The following ABCD3 variants were observed in gnomAD, a reference collection of about 807,000 sequenced individuals.
ABCD3 encodes ATP-binding cassette sub-family D member 3.
ABCD3 carries 41 observed loss-of-function variants against 105.5 expected under a neutral mutation model. That is an observed-to-expected ratio of 0.39 (90% CI 0.30 to 0.50). ABCD3 has a LOEUF of 0.50. ABCD3 is among the 20% of genes least tolerant of loss of function. The pLI, the probability that ABCD3 is intolerant of heterozygous loss-of-function variation, is 0.84. For synonymous variants in ABCD3, 258 were observed against 269.0 expected, an observed-to-expected ratio of 0.96 and a Z score of 0.40; for missense variants, 622 against 806.3, an observed-to-expected ratio of 0.77 and a Z score of 2.77.
At chr1:94,503,385 A>G (rs1283379080) in intron 20 of ABCD3, among the ~76,000 whole-genome samples, 1 of 152,090 alleles carries the variant, frequency 6.6e-6, no homozygotes, top group African/African-American at 2.4e-5. Flanking sequence ...TGACCTCCCT[A>G]CTTCCGCTGT....
chr1:94,418,270 G>A (rs1051976591), upstream of ABCD3, among the ~76,000 whole-genome samples: 2 of 152,180 alleles, frequency 1.3e-5, no homozygotes, highest in African/African-American at 4.8e-5. Context: ...TCCGCCCACG[G>A]AGGCTGCCGA....
chr1:94,452,194 A>T (rs1374778219), intron 1 of ABCD3, among the ~76,000 whole-genome samples: 1 of 152,234 alleles, frequency 6.6e-6, no homozygotes, highest in Non-Finnish European at 1.5e-5. Context: ...AACAAGGACC[A>T]TTCTGGGCAA....
Position 94,487,810 on chromosome 1 carries a change from A to G in ABCD3, c.1065+19A>G, listed in dbSNP as rs750812709. ...TCTAGAGGTAAACTGATGATAATAC[A>G]ATGAAAATGTAACAGTAAAAATAAA... is the stretch of plus-strand genomic sequence containing the variant. On this transcript the variant is annotated intron_variant, in intron 12 of 22. Coordinates refer to ENST00000370214, the MANE Select transcript of ABCD3 (RefSeq NM_002858.4). The G allele has an allele frequency of 1.9e-6, 3 of 1,612,572 alleles. No individual in the cohort carries two copies. The highest frequency in any genetic ancestry group is 3.3e-5 in the Admixed American group (2 of 59,998).
the ABCD3 span, among the ~76,000 whole-genome samples, chr1:94,405,759 T>C: frequency 6.6e-6 from 1 of 152,222 alleles, no homozygotes; most frequent in Non-Finnish European, 1.5e-5. Flanking sequence ...TCTTGTCATT[T>C]GCCTATTTTT....
chr1:94,513,933 A>C (rs960882788), intron 21 of ABCD3: 1 of 152,080 alleles, frequency 6.6e-6, no homozygotes, highest in East Asian at 1.9e-4. Context: ...ACCTTTTTAC[A>C]GTGCAGCCAA....
intron 2 of ABCD3, among the ~76,000 whole-genome samples, chr1:94,463,539 C>T (rs1175646847): frequency 6.6e-6 from 1 of 152,134 alleles, no homozygotes; most frequent in Non-Finnish European, 1.5e-5. Flanking sequence ...GTCAGGAGCA[C>T]AGTAGTTAGC....
chr1:94,448,535 A>T (rs1443087360), intron 1 of ABCD3, among the ~76,000 whole-genome samples: 1 of 152,226 alleles, frequency 6.6e-6, no homozygotes, highest in African/African-American at 2.4e-5. Flanking sequence ...TTCAGCTCAA[A>T]AAGCGGAGCT....
intron 20 of ABCD3, among the ~76,000 whole-genome samples, chr1:94,505,660 G>A (rs1425387434): frequency 2.0e-5 from 3 of 152,098 alleles, no homozygotes; most frequent in Non-Finnish European, 4.4e-5. Flanking sequence ...CTAGAAATTA[G>A]CCCTAAGGAG....
At chr1:94,453,467 C>G (rs531847355) in intron 1 of ABCD3, among the ~76,000 whole-genome samples, 4 of 151,580 alleles carry the variant, frequency 2.6e-5, no homozygotes, top group African/African-American at 9.7e-5. Flanking sequence ...TACAGGTGCC[C>G]GCCACCTCGC....
intron 21 of ABCD3, among the ~76,000 whole-genome samples, chr1:94,510,696 TA>T (rs1404979409): frequency 6.6e-6 from 1 of 151,896 alleles, no homozygotes; most frequent in Non-Finnish European, 1.5e-5. Flanking sequence ...CATATATATT[TA>T]GGATAGTTAG....
intron 2 of ABCD3, among the ~76,000 whole-genome samples, chr1:94,461,471 G>T (rs1570774720): frequency 6.6e-6 from 1 of 152,176 alleles, no homozygotes; most frequent in Non-Finnish European, 1.5e-5. Context: ...GTGTGTGTAT[G>T]TGTGTGTATC....
chr1:94,497,008 G>A (rs540842478), intron 16 of ABCD3, among the ~76,000 whole-genome samples: 4 of 151,892 alleles, frequency 2.6e-5, no homozygotes. Context: ...GGTGGTAAAG[G>A]TGGGGGCTAG....
At chr1:94,509,051 C>T (rs2101060805) in intron 21 of ABCD3, among the ~76,000 whole-genome samples, 1 of 152,222 alleles carries the variant, frequency 6.6e-6, no homozygotes, top group South Asian at 2.1e-4. Flanking sequence ...AGAGGGCATC[C>T]CTGTCTTGTG....
At chr1:94,406,397 T>A in the ABCD3 span, 2 of 322,566 alleles carry the variant, frequency 6.2e-6, no homozygotes, top group African/African-American at 4.4e-5. Context: ...ACACTTACTA[T>A]GCCATGAATT....
chr1:94,417,149 T>C (rs1659049164), upstream of ABCD3, among the ~76,000 whole-genome samples: 1 of 152,196 alleles, frequency 6.6e-6, no homozygotes, highest in Admixed American at 6.5e-5. Flanking sequence ...CTTTTGTCCC[T>C]CCAGGTAATG....
At chr1:94,387,557 A>G in the ABCD3 span, among the ~76,000 whole-genome samples, 1 of 152,014 alleles carries the variant, frequency 6.6e-6, no homozygotes, top group African/African-American at 2.4e-5. Context: ...CATTTCTTGA[A>G]CCCTTTCACA....
At chr1:94,449,210 G>A (rs991289344) in intron 1 of ABCD3, among the ~76,000 whole-genome samples, 1 of 152,204 alleles carries the variant, frequency 6.6e-6, no homozygotes, top group Non-Finnish European at 1.5e-5. Context: ...GGAGGATCCC[G>A]AGGACCCCGT....
intron 2 of ABCD3, among the ~76,000 whole-genome samples, chr1:94,462,522 A>T (rs1647929454): frequency 6.6e-6 from 1 of 152,218 alleles, no homozygotes; most frequent in Non-Finnish European, 1.5e-5. Context: ...ATTGAAACGT[A>T]ATGAAAATCC....
chr1:94,495,553 G>C (rs964060663), intron 16 of ABCD3, among the ~76,000 whole-genome samples: 2 of 152,194 alleles, frequency 1.3e-5, no homozygotes, highest in Non-Finnish European at 2.9e-5. Flanking sequence ...TGAATGCTGA[G>C]TAGGTTAGCC....
Sources: gnomAD v4.1 joint callset for allele counts (sites outside exome capture counted in the v4.1 genomes callset) on GRCh38, gnomAD v4.1.1 for gene constraint, MANE v1.5 for transcripts, NCBI Gene and HGNC (gene_info 2026-07-23, HGNC 2026-07-21) for gene names.